The following SPEG variants were observed in gnomAD, a reference collection of about 807,000 sequenced individuals.
The protein encoded by SPEG is striated muscle preferentially expressed protein kinase.
SPEG carries 114 observed loss-of-function variants against 300.4 expected under a neutral mutation model. The ratio of observed to expected loss-of-function variants is 0.38; its 90% CI spans 0.33 to 0.44. The LOEUF (loss-of-function observed/expected upper bound fraction) is 0.44. Among genes scored for constraint, SPEG ranks in the 20% least tolerant of loss-of-function variants. The probability of loss-of-function intolerance (pLI) is 1.00; values close to 1 mark genes in which losing one functional copy is unlikely to be tolerated. For synonymous variants in SPEG, 1,964 were observed against 2,018.9 expected, an observed-to-expected ratio of 0.97 and a Z score of 0.73; for missense variants, 4,201 against 4,586.2, an observed-to-expected ratio of 0.92 and a Z score of 2.43.
chr2:219,491,894 G>A (rs1386440583), intron 39 of SPEG, 25 bp downstream of exon 39: 5 of 1,560,462 alleles, frequency 3.2e-6, no homozygotes, highest in Non-Finnish European at 4.4e-6. Flanking sequence ...CCCCACCGCA[G>A]CCCTCTCTGC....
rs1693314487 is a variant in SPEG, at chr2:219,485,459, T to C, written c.7723T>C (p.Tyr2575His). 6.3e-7 allele frequency: 1 copy of C among 1,595,180 alleles called. No homozygotes were observed. The highest frequency in any genetic ancestry group is 8.5e-7 in the Non-Finnish European group (1 of 1,169,970). Residue 2575 changes from tyrosine to histidine, a missense_variant, in exon 31 of 41, where the codon TAC becomes CAC. Tyr to His is a moderately conservative substitution (Grantham distance 83). Around this residue, in one of 4 missense-constraint regions of SPEG, gnomAD observed 1,578 missense variants for 1,506.0 expected, o/e 1.05. Coordinates refer to ENST00000312358, the MANE Select transcript of SPEG (RefSeq NM_005876.5). ...CGTCCAGGAGGAGTTGGGTCACCAG[T>C]ACGTGCGCAGTGAGTCAGGTAATAA... is the stretch of plus-strand genomic sequence containing the variant. ...ASVQEELGHQ[Y>H]VRSESDFPPV...
At chr2:219,485,527 C>G (rs758777356) in intron 31 of SPEG, 50 bp downstream of exon 31, 1 of 1,491,336 alleles carries the variant, frequency 6.7e-7, no homozygotes, top group Non-Finnish European at 8.9e-7. Flanking sequence ...CTGCCCTCCC[C>G]TACCCCCATC....
intron 9 of SPEG, chr2:219,465,773 AG>A (rs1415279434): frequency 1.8e-6 from 1 of 544,344 alleles, no homozygotes; most frequent in African/African-American, 1.9e-5. Flanking sequence ...TCTATGCAGA[AG>A]GGCCCTAGCC....
At chr2:219,450,855 T>C in intron 4 of SPEG, 1 of 333,100 alleles carries the variant, frequency 3.0e-6, no homozygotes, top group South Asian at 6.5e-5. Context: ...AGTCCTGTCT[T>C]TCTCCAGAAG....
intron 8 of SPEG, among the ~76,000 whole-genome samples, chr2:219,463,995 G>A (rs370499528): frequency 2.0e-5 from 3 of 151,962 alleles, no homozygotes; most frequent in East Asian, 3.9e-4. Context: ...GGTGGCGTGT[G>A]CCTGTAGTCC....
Position 219,444,194 on chromosome 2 carries a change from T to C in SPEG, c.389-459T>C. ...GGTAGAGGACAGGCTGGCCCCGCGG[T>C]TGGTCGAGTGCCCTGGCAGTACGAC... On this transcript the variant is annotated intron_variant, in intron 1 of 40. Coordinates refer to ENST00000312358, the MANE Select transcript of SPEG (RefSeq NM_005876.5). This position sits in a 1 kb window ranked among gnomAD's most constrained non-coding sequence, Gnocchi z 7.8. The C allele has an allele frequency of 1.7e-6, 1 of 572,092 alleles. No individual in the cohort carries two copies. 35.4% of individuals were successfully genotyped at this position (572,092 alleles called of 1,614,324 possible).
At position 219,435,037 on chromosome 2, in the gene SPEG, C is replaced by A; in HGVS notation, c.60C>A (p.Pro20=). 1 of 1,494,876 alleles carries A rather than the reference C, an allele frequency of 6.7e-7. No homozygotes were observed. Among genetic ancestry groups the A allele is most frequent in the Non-Finnish European group, 8.8e-7 (1 of 1,130,446 alleles). The allele number at this position is 1,494,876 out of a possible 1,614,324, so 92.6% of individuals were successfully genotyped here. ...EDAGTRAPPS[P]GVPPKRAKVG... ...CGGGCACGAGGGCACCCCCCAGCCCCGGAGTGCCCCCGAAAAGGGCCAAGG... is the reference window on the plus strand; with the variant it reads ...CGGGCACGAGGGCACCCCCCAGCCCAGGAGTGCCCCCGAAAAGGGCCAAGG... Residue 20 remains proline (P), a synonymous_variant, in exon 1 of 41, where the codon CCC becomes CCA. Transcript: ENST00000312358.
intron 6 of SPEG, among the ~76,000 whole-genome samples, chr2:219,455,676 C>T (rs1690122570): frequency 6.6e-6 from 1 of 152,312 alleles, no homozygotes; most frequent in African/African-American, 2.4e-5. Context: ...TGAGGTAGAA[C>T]TGAGCTCATG....
Position 219,480,636 on chromosome 2 carries a change from C to T in SPEG, c.5343-35C>T, listed in dbSNP as rs370769654. On this transcript the variant is annotated intron_variant, in intron 25 of 40. Coordinates refer to ENST00000312358, the MANE Select transcript of SPEG (RefSeq NM_005876.5). This position sits in a 1 kb window ranked among gnomAD's most constrained non-coding sequence, Gnocchi z 5.3. ...CTGCTCCCTTCCAGTCAGAGAGGGG[C>T]GGTCCTCTTACCTATCACTCTCCTT... is the stretch of plus-strand genomic sequence containing the variant. 9.3e-6 allele frequency: 15 copies of T among 1,612,158 alleles called. No individual in the cohort carries two copies. Among genetic ancestry groups the T allele is most frequent in the Middle Eastern group, 1.6e-4 (1 of 6,080 alleles).
chr2:219,451,103 G>A lies in SPEG; in HGVS notation c.2114-33G>A, dbSNP rs1559373122. On this transcript the variant is annotated intron_variant, in intron 4 of 40. Transcript: ENST00000312358. This position sits in a 1 kb window ranked among gnomAD's most constrained non-coding sequence, Gnocchi z 6.4. Reference sequence around the variant, plus strand: ...CCGCTGTCATCCCTGCAGGGATCATGGCCCCTTACCCCGTTATTCCTGTGT... The same window carrying A: ...CCGCTGTCATCCCTGCAGGGATCATAGCCCCTTACCCCGTTATTCCTGTGT... 2 of 1,578,848 alleles carry A rather than the reference G, an allele frequency of 1.3e-6. No individual in the cohort carries two copies. The highest frequency in any genetic ancestry group is 1.7e-6 in the Non-Finnish European group (2 of 1,164,012).
rs1337575763 is a variant in SPEG, at chr2:219,445,143, G to A, written c.797G>A (p.Arg266Gln). The A allele has an allele frequency of 2.5e-6, 4 of 1,579,020 alleles. No individual in the cohort carries two copies. The highest frequency in any genetic ancestry group is 3.4e-6 in the Non-Finnish European group (4 of 1,163,236). Residue 266 changes from arginine (R) to glutamine (Q), a missense_variant, in exon 3 of 41, where the codon CGG (arginine) becomes CAG (glutamine). Coordinates refer to ENST00000312358, the MANE Select transcript of SPEG (RefSeq NM_005876.5). This position sits in a 1 kb window ranked among gnomAD's most constrained non-coding sequence, Gnocchi z 6.1. ...YGSAFSLYRG[R>Q]ALSIHVSVPQ... ...AGCGCATTCAGCCTGTACAGAGGACGGGCGCTCTCTATCCACGTGTAAGTA... is the reference window on the plus strand; with the variant it reads ...AGCGCATTCAGCCTGTACAGAGGACAGGCGCTCTCTATCCACGTGTAAGTA...
chr2:219,443,387 G>A lies in SPEG; in HGVS notation c.389-1266G>A. ...CACCCCTGCATGGACTGGGTGCCCT[G>A]TTCTCCATGTGAGGCCTAATGGGAA... On this transcript the variant is annotated intron_variant, in intron 1 of 40. Coordinates refer to ENST00000312358, the MANE Select transcript of SPEG (RefSeq NM_005876.5). This position sits in a 1 kb window ranked among gnomAD's most constrained non-coding sequence, Gnocchi z 4.6. 1 of 570,022 alleles carries A rather than the reference G, an allele frequency of 1.8e-6. No homozygotes were observed. Among genetic ancestry groups the A allele is most frequent in the Non-Finnish European group, 3.2e-6 (1 of 316,824 alleles). 35.3% of individuals were successfully genotyped at this position (570,022 alleles called of 1,614,324 possible). A position where few individuals can be genotyped will look rare whatever the true frequency, so the allele number is the denominator to read the frequency against.
Position 219,483,302 on chromosome 2 carries a change from C to T in SPEG, c.5839C>T (p.Arg1947Trp), listed in dbSNP as rs777508390. The T allele has an allele frequency of 1.2e-6, 2 of 1,606,244 alleles. No homozygotes were observed. Among genetic ancestry groups the T allele is most frequent in the Non-Finnish European group, 1.7e-6 (2 of 1,176,506 alleles). ...RPLQPEFSGS[R>W]VSLTDIPTED... is the part of the protein sequence containing the mutation. ...ACTGCAGCCCGAGTTCTCTGGCTCC[C>T]GGGTGTCCCTCACAGACATTCCCAC... The change falls in exon 30 of 41, where the codon CGG becomes TGG. Residue 1947 changes from arginine (R) to tryptophan (W), a missense_variant. This residue lies in a region of SPEG where 1,578 missense variants were observed against 1,506.0 expected (regional missense o/e 1.05). Transcript: ENST00000312358.
chr2:219,482,637 G>A, intron 28 of SPEG, 147 bp from the exon 29 acceptor site: 1 of 673,280 alleles, frequency 1.5e-6, no homozygotes, highest in Non-Finnish European at 2.7e-6. Flanking sequence ...AGACCCAGGG[G>A]GAAGGGGACC....
At chr2:219,460,446 G>T (rs1188139650) in intron 6 of SPEG, 1 of 985,458 alleles carries the variant, frequency 1.0e-6, no homozygotes, top group Non-Finnish European at 1.2e-6. Context: ...TGGTGGACGT[G>T]TCAGAACAAA....
Position 219,483,241 on chromosome 2 carries a change from G to C in SPEG, c.5778G>C (p.Glu1926Asp), listed in dbSNP as rs767663995. The C allele has an allele frequency of 3.1e-6, 5 of 1,610,314 alleles. No homozygotes were observed. In the South Asian group the frequency reaches 5.5e-5, roughly 18 times the overall value. Residue 1926 changes from glutamate (E) to aspartate (D), a missense_variant, in exon 30 of 41, where the codon GAG becomes GAC. Glu to Asp is a conservative substitution (Grantham distance 45). This residue lies in a region of SPEG where 1,578 missense variants were observed against 1,506.0 expected (regional missense o/e 1.05). Transcript: ENST00000312358. ...GGLSSSSDSE[E>D]EELEELPSVP... ...TCTCATCCTCCTCGGATTCTGAAGA[G>C]GAAGAGCTGGAAGAGCTGCCCTCAG...
Position 219,472,271 on chromosome 2 carries a change from G to A in SPEG, c.3880G>A (p.Val1294Met). The A allele has an allele frequency of 1.2e-6, 2 of 1,613,922 alleles. No individual in the cohort carries two copies. Among genetic ancestry groups the A allele is most frequent in the Non-Finnish European group, 1.7e-6 (2 of 1,180,018 alleles). Residue 1294 changes from valine (V) to methionine (M), a missense_variant, in exon 15 of 41, where the codon GTG becomes ATG. Coordinates refer to ENST00000312358, the MANE Select transcript of SPEG (RefSeq NM_005876.5). ...PPDGAPQVVA[V>M]TGRMVTLTWN... Reference sequence around the variant, plus strand: ...AGATGGCGCCCCGCAGGTGGTGGCTGTGACGGGGAGGATGGTCACACTCAC... The same window carrying A: ...AGATGGCGCCCCGCAGGTGGTGGCTATGACGGGGAGGATGGTCACACTCAC...
chr2:219,474,064 T>C (rs1449846042), intron 18 of SPEG, 161 bp downstream of exon 18: 2 of 685,916 alleles, frequency 2.9e-6, no homozygotes, highest in Admixed American at 3.0e-5. Context: ...ATATTAGTAA[T>C]AATGACAACA....
Position 219,492,904 on chromosome 2 carries a change from A to C in SPEG, c.*118A>C, listed in dbSNP as rs1694109078. 9.5e-7 allele frequency: 1 copy of C among 1,054,124 alleles called. No homozygotes were observed. The highest frequency in any genetic ancestry group is 1.4e-6 in the Non-Finnish European group (1 of 708,502). The allele number at this position is 1,054,124 out of a possible 1,614,324, so 65.3% of individuals were successfully genotyped here. On this transcript the variant is annotated 3_prime_UTR_variant, in exon 41 of 41. Coordinates refer to ENST00000312358, the MANE Select transcript of SPEG (RefSeq NM_005876.5). ...GGGGCTTCGGTTACCACCAGCAGCA[A>C]CATCTGGCTGGGCTCTTACCTCATA...
Sources: allele counts gnomAD v4.1 joint callset (sites outside exome capture counted in the v4.1 genomes callset), GRCh38; gene constraint gnomAD v4.1.1; regional missense constraint gnomAD v4.1.1; non-coding constraint Gnocchi (gnomAD v3.1); transcripts MANE v1.5; gene names NCBI Gene and HGNC (gene_info 2026-07-23, HGNC 2026-07-21).